Variants in ADH6 observed in about 807,000 individuals in gnomAD.
ADH6 encodes the protein alcohol dehydrogenase 6.
Under a neutral mutation model 36.5 loss-of-function variants are expected in ADH6, and 34 were observed. That is an observed-to-expected ratio of 0.93 (90% CI 0.71 to 1.24). The LOEUF (loss-of-function observed/expected upper bound fraction) is 1.24. Ranked by LOEUF, ADH6 falls within the 50% of genes most tolerant of loss-of-function variation. The pLI, the probability that ADH6 is intolerant of heterozygous loss-of-function variation, is 0.00. For synonymous variants in ADH6, 161 were observed against 155.5 expected (o/e 1.04, Z -0.26); for missense variants, 440 against 447.0 (o/e 0.98, Z 0.14).
At chr4:99,205,200 G>A in intron 7 of ADH6, 137 bp from the exon 8 acceptor site, 1 of 869,078 alleles carries the variant, frequency 1.2e-6, no homozygotes, top group Non-Finnish European at 1.7e-6. Context: ...TCAATCATCA[G>A]GAGAATGCCT....
chr4:99,211,465 C>A (rs907391307), intron 3 of ADH6, among the ~76,000 whole-genome samples: 1 of 152,082 alleles, frequency 6.6e-6, no homozygotes, highest in Non-Finnish European at 1.5e-5. Context: ...CTCTACACCC[C>A]AACACTAAAA....
At chr4:99,209,214 A>G (rs1042091797) in intron 5 of ADH6, among the ~76,000 whole-genome samples, 1 of 152,124 alleles carries the variant, frequency 6.6e-6, no homozygotes, top group Admixed American at 6.6e-5. Flanking sequence ...GAATATTAAG[A>G]CTTACTTGAC....
chr4:99,205,929 C>T (rs1271910960), intron 7 of ADH6, among the ~76,000 whole-genome samples: 2 of 152,136 alleles, frequency 1.3e-5, no homozygotes, highest in African/African-American at 4.8e-5. Flanking sequence ...ACCACAAACT[C>T]TTCTAATAGA....
At chr4:99,212,216 A>G (rs1206968447) in intron 3 of ADH6, among the ~76,000 whole-genome samples, 6 of 152,288 alleles carry the variant, frequency 3.9e-5, no homozygotes, top group Non-Finnish European at 5.9e-5. Flanking sequence ...CTGCATTTAG[A>G]GTCGAGCAAA....
At chr4:99,215,014 C>T (rs1731352366) in intron 2 of ADH6, among the ~76,000 whole-genome samples, 1 of 152,226 alleles carries the variant, frequency 6.6e-6, no homozygotes, top group South Asian at 2.1e-4. Flanking sequence ...TGCCCAACCT[C>T]ACCATTGCCT....
chr4:99,204,048 T>G lies in ADH6; in HGVS notation c.*171A>C. 1.4e-6 allele frequency: 1 copy of G among 712,814 alleles called. No homozygotes were observed. The highest frequency in any genetic ancestry group is 2.1e-6 in the Non-Finnish European group (1 of 472,374). 44.2% of individuals were successfully genotyped at this position (712,814 alleles called of 1,614,324 possible). A position where few individuals can be genotyped will look rare whatever the true frequency, so the allele number is the denominator to read the frequency against. On this transcript the variant is annotated 3_prime_UTR_variant, in exon 9 of 9. Transcript: ENST00000394899. ...TGACACTGGGTTACGTAAGAACAATTTTGATGAAATGGTTAGGTCAGAAGC... is the reference window on the plus strand; with the variant it reads ...TGACACTGGGTTACGTAAGAACAATGTTGATGAAATGGTTAGGTCAGAAGC...
In ADH6 at chr4:99,204,150, A is replaced by T; in HGVS notation, c.*69T>A. On this transcript the variant is annotated 3_prime_UTR_variant, in exon 9 of 9. Transcript: ENST00000394899. ...ATTGGGTGAATAATTCTTCTAAATC[A>T]TGAAAATTACATCAAATGCCATTGA... 6.5e-7 allele frequency: 1 copy of T among 1,528,710 alleles called. No homozygotes were observed. The highest frequency in any genetic ancestry group is 8.9e-7 in the Non-Finnish European group (1 of 1,128,002). The allele number at this position is 1,528,710 out of a possible 1,614,324, so 94.7% of individuals were successfully genotyped here.
At chr4:99,214,410 A>G (rs1047546216) in intron 2 of ADH6, among the ~76,000 whole-genome samples, 1 of 152,170 alleles carries the variant, frequency 6.6e-6, no homozygotes, top group African/African-American at 2.4e-5. Flanking sequence ...GAAATGAAAT[A>G]AAGAAATTGG....
intron 8 of ADH6, chr4:99,204,489 G>A: frequency 7.7e-7 from 1 of 1,305,028 alleles, no homozygotes; most frequent in Non-Finnish European, 9.7e-7. Flanking sequence ...GCTGGTTTCT[G>A]TTTTTTGGGT....
Position 99,204,212 on chromosome 4 carries a change from A to G in ADH6, c.*7T>C, listed in dbSNP as rs1263749519. 2 of 1,602,088 alleles carry G rather than the reference A, an allele frequency of 1.2e-6. No homozygotes were observed. The highest frequency in any genetic ancestry group is 1.7e-6 in the Non-Finnish European group (2 of 1,178,086). ...ATCCTTTGGGTCTTGCATGTATTAC[A>G]TTGTACTTAAAGTAACAGGATACAG... On this transcript the variant is annotated 3_prime_UTR_variant, in exon 9 of 9. Transcript: ENST00000394899.
intron 1 of ADH6, 44 bp downstream of exon 1, chr4:99,219,091 C>A: frequency 6.3e-7 from 1 of 1,593,436 alleles, no homozygotes; most frequent in Admixed American, 1.7e-5. Context: ...AGCACACAAA[C>A]TGACAAAGAT....
At chr4:99,213,556 A>AT (rs5860571) in intron 3 of ADH6, 50 bp downstream of exon 3, 930,816 of 1,512,032 alleles carry the variant, frequency 0.62, 293,923 homozygotes, top group East Asian at 0.95. Flanking sequence ...CATTTTCTCG[A>AT]GTTGGTTCCA....
In ADH6 at chr4:99,217,595, G is replaced by A. The variant is rs1021643284; in HGVS notation, c.19-1333C>T. ...TAGTACTCCATTGTGTATATGTACC[G>A]CATTTTGTTTATCCATTCATCTGTT... On this transcript the variant is annotated intron_variant, in intron 1 of 8. Coordinates refer to ENST00000394899, the MANE Select transcript of ADH6 (RefSeq NM_001102470.2). Among the ~76,000 whole-genome samples, 48 of 151,970 alleles carry A rather than the reference G, an allele frequency of 3.2e-4. 2 individuals carry two copies. The highest frequency in any genetic ancestry group is 2.9e-3 in the Admixed American group (44 of 15,256).
In ADH6 at chr4:99,204,092, G is replaced by T; in HGVS notation, c.*127C>A. ...CAGAAGCCAGATATAGGTCCACTGC[G>T]GAGTGAATCAGAAGTCAGAATATAG... On this transcript the variant is annotated 3_prime_UTR_variant, in exon 9 of 9. Coordinates refer to ENST00000394899, the MANE Select transcript of ADH6 (RefSeq NM_001102470.2). 2 of 1,166,882 alleles carry T rather than the reference G, an allele frequency of 1.7e-6. No homozygotes were observed. Among genetic ancestry groups the T allele is most frequent in the South Asian group, 1.5e-5 (1 of 67,326 alleles). 72.3% of individuals were successfully genotyped at this position (1,166,882 alleles called of 1,614,324 possible).
intron 4 of ADH6, 33 bp downstream of exon 4, chr4:99,210,382 G>A (rs1560806368): frequency 1.3e-6 from 2 of 1,596,876 alleles, no homozygotes; most frequent in South Asian, 1.1e-5. Flanking sequence ...AGTGAATTAA[G>A]TTTTCAAAAA....
chr4:99,204,450 G>A (rs563664971), intron 8 of ADH6: 21 of 1,363,556 alleles, frequency 1.5e-5, no homozygotes, highest in East Asian at 8.5e-5. Flanking sequence ...GCTTATACTC[G>A]TGTGGGGAAT....
At chr4:99,204,783 T>G in intron 8 of ADH6, 142 bp downstream of exon 8, 2 of 1,333,716 alleles carry the variant, frequency 1.5e-6, no homozygotes, top group Non-Finnish European at 1.9e-6. Flanking sequence ...GGGAAGGAGA[T>G]GCTTTACAAA....
intron 1 of ADH6, among the ~76,000 whole-genome samples, chr4:99,217,608 C>G (rs1164621329): frequency 6.6e-6 from 1 of 152,102 alleles, no homozygotes; most frequent in African/African-American, 2.4e-5. Flanking sequence ...TTTTGTTTAT[C>G]CATTCATCTG....
intron 6 of ADH6, chr4:99,208,267 C>A (rs1451238531): frequency 1.3e-5 from 2 of 156,954 alleles, no homozygotes; most frequent in East Asian, 1.9e-4. Context: ...TTATATAAAC[C>A]ACGTTTAGCC....
Sources: gnomAD v4.1 joint callset for allele counts (sites outside exome capture counted in the v4.1 genomes callset) on GRCh38, gnomAD v4.1.1 for gene constraint, MANE v1.5 for transcripts, NCBI Gene and HGNC (gene_info 2026-07-23, HGNC 2026-07-21) for gene names.